Variants in FAF1 observed in about 807,000 individuals in gnomAD.
FAF1 encodes Fas associated factor 1.
In FAF1, 25 loss-of-function variants were observed where a neutral mutation model predicts 92.5. That is an observed-to-expected ratio of 0.27 (90% CI 0.20 to 0.38). FAF1 has a LOEUF of 0.38. Among genes scored for constraint, FAF1 ranks in the 10% least tolerant of loss-of-function variants. The probability of loss-of-function intolerance (pLI) is 1.00; values close to 1 mark genes in which losing one functional copy is unlikely to be tolerated. For missense variants in FAF1, 636 were observed against 793.3 expected (o/e 0.80, Z 2.38); for synonymous variants, 234 against 273.2 (o/e 0.86, Z 1.42).
intron 13 of FAF1, among the ~76,000 whole-genome samples, chr1:50,558,177 G>A (rs1343343542): frequency 6.6e-6 from 1 of 151,904 alleles, no homozygotes; most frequent in East Asian, 1.9e-4. Flanking sequence ...GGGGTTACAG[G>A]TGTGAGCCGC....
chr1:50,576,639 C>T (rs865834700), intron 12 of FAF1, among the ~76,000 whole-genome samples: 13 of 150,968 alleles, frequency 8.6e-5, no homozygotes, highest in African/African-American at 1.7e-4. Context: ...CACCGCCCCC[C>T]CCCCGCCACC....
Position 50,441,536 on chromosome 1 carries a change from A to G in FAF1, c.1870-13T>C, listed in dbSNP as rs767077547. 1.4e-6 allele frequency: 2 copies of G among 1,479,372 alleles called. No homozygotes were observed. Among genetic ancestry groups the G allele is most frequent in the Non-Finnish European group, 1.8e-6 (2 of 1,084,826 alleles). The allele number at this position is 1,479,372 out of a possible 1,614,324, so 91.6% of individuals were successfully genotyped here. On this transcript the variant is annotated splice_polypyrimidine_tract_variant and intron_variant, in intron 18 of 18. Coordinates refer to ENST00000396153, the MANE Select transcript of FAF1 (RefSeq NM_007051.3). ...CCAGTTGAGTTACCTAAAAAGATGA[A>G]GAACACATATTCAAAAGACTGAAAC...
intron 18 of FAF1, among the ~76,000 whole-genome samples, chr1:50,449,542 T>C (rs1262276004): frequency 1.4e-5 from 2 of 147,924 alleles, no homozygotes; most frequent in African/African-American, 2.5e-5. Context: ...CAGGCTGGAG[T>C]GCAGTAGCAT....
chr1:50,914,079 CT>C (rs1644904444), intron 1 of FAF1, among the ~76,000 whole-genome samples: 1 of 152,164 alleles, frequency 6.6e-6, no homozygotes, highest in South Asian at 2.1e-4. Flanking sequence ...AACATTAACA[CT>C]GATGGATGAC....
At chr1:50,869,306 TACA>T (rs1644508050) in intron 1 of FAF1, among the ~76,000 whole-genome samples, 2 of 152,162 alleles carry the variant, frequency 1.3e-5, no homozygotes, top group South Asian at 2.1e-4. Context: ...TTTTATCCAC[TACA>T]ACAACATCTG....
chr1:50,847,766 C>G (rs1442732950), intron 2 of FAF1, among the ~76,000 whole-genome samples: 1 of 152,052 alleles, frequency 6.6e-6, no homozygotes, highest in Non-Finnish European at 1.5e-5. Context: ...AAATGGTTAA[C>G]TGTATATTAT....
intron 2 of FAF1, among the ~76,000 whole-genome samples, chr1:50,826,443 AGGAGGCCAAG>A (rs1644098687): frequency 2.0e-5 from 3 of 152,142 alleles, no homozygotes; most frequent in African/African-American, 7.2e-5. Context: ...CCAGCTACTC[AGGAGGCCAAG>A]GCAGGAGAAT....
chr1:50,780,861 A>G, intron 4 of FAF1: 1 of 467,178 alleles, frequency 2.1e-6, no homozygotes, highest in African/African-American at 2.0e-5. Context: ...TCTTACCTTC[A>G]GGAGGAGTCA....
At chr1:50,458,222 A>G (rs1646380599) in intron 18 of FAF1, among the ~76,000 whole-genome samples, 2 of 152,168 alleles carry the variant, frequency 1.3e-5, no homozygotes, top group Admixed American at 1.3e-4. Context: ...TCAAAATAGT[A>G]ATAATAATTT....
intron 15 of FAF1, among the ~76,000 whole-genome samples, chr1:50,530,613 T>C (rs1006620459): frequency 1.3e-5 from 2 of 152,132 alleles, no homozygotes; most frequent in Non-Finnish European, 2.9e-5. Context: ...CTTAATTGTA[T>C]ATTTTAAAAT....
At chr1:50,478,114 C>T (rs1004980466) in intron 17 of FAF1, among the ~76,000 whole-genome samples, 4 of 151,444 alleles carry the variant, frequency 2.6e-5, no homozygotes, top group Admixed American at 2.6e-4. Flanking sequence ...GAGTTATATA[C>T]ATTTTCTAAA....
chr1:50,886,999 T>C (rs1035510401), intron 1 of FAF1, among the ~76,000 whole-genome samples: 4 of 152,182 alleles, frequency 2.6e-5, no homozygotes, highest in Non-Finnish European at 5.9e-5. Flanking sequence ...CCACCAACAG[T>C]GTAAAAGTGT....
At chr1:50,679,044 G>C (rs1399088175) in intron 7 of FAF1, among the ~76,000 whole-genome samples, 1 of 152,128 alleles carries the variant, frequency 6.6e-6, no homozygotes, top group African/African-American at 2.4e-5. Context: ...CCGAGATGGT[G>C]CCACTGCACT....
intron 18 of FAF1, among the ~76,000 whole-genome samples, chr1:50,474,841 C>T (rs769430660): frequency 6.6e-6 from 1 of 152,210 alleles, no homozygotes; most frequent in Non-Finnish European, 1.5e-5. Context: ...TACAGAGCCT[C>T]TTGGTTCCCT....
intron 15 of FAF1, among the ~76,000 whole-genome samples, chr1:50,493,489 A>G (rs1285404203): frequency 6.6e-6 from 1 of 152,196 alleles, no homozygotes; most frequent in Non-Finnish European, 1.5e-5. Flanking sequence ...TTTTAATTTG[A>G]CCTTACTTTC....
intron 15 of FAF1, among the ~76,000 whole-genome samples, chr1:50,518,355 G>T (rs1647314239): frequency 6.6e-6 from 1 of 152,060 alleles, no homozygotes; most frequent in Admixed American, 6.5e-5. Context: ...GTCAATAAAG[G>T]ATACTAAAGG....
chr1:50,633,873 A>T (rs1395657838), intron 8 of FAF1, among the ~76,000 whole-genome samples: 1 of 152,210 alleles, frequency 6.6e-6, no homozygotes, highest in African/African-American at 2.4e-5. Flanking sequence ...ATACATCTGA[A>T]TCCACAGCAT....
intron 4 of FAF1, among the ~76,000 whole-genome samples, chr1:50,758,907 A>T (rs1239788135): frequency 1.3e-5 from 2 of 151,950 alleles, no homozygotes; most frequent in Non-Finnish European, 2.9e-5. Context: ...CAGTGGTGCG[A>T]TCTCGGCTCT....
At chr1:50,673,248 C>T (rs1655976176) in intron 7 of FAF1, among the ~76,000 whole-genome samples, 1 of 150,676 alleles carries the variant, frequency 6.6e-6, no homozygotes, top group South Asian at 2.1e-4. Context: ...CAGAGCGAGA[C>T]TCTGTCTCAA....
Sources: gnomAD v4.1 joint callset for allele counts (sites outside exome capture counted in the v4.1 genomes callset) on GRCh38, gnomAD v4.1.1 for gene constraint, MANE v1.5 for transcripts, NCBI Gene and HGNC (gene_info 2026-07-23, HGNC 2026-07-21) for gene names.